CKAP5: variants seen among roughly 807,000 people sequenced by gnomAD.
CKAP5 encodes cytoskeleton-associated protein 5.
CKAP5 carries 27 observed loss-of-function variants against 232.8 expected under a neutral mutation model. That is an observed-to-expected ratio of 0.12 (90% confidence interval 0.09 to 0.16). CKAP5 has a LOEUF of 0.16. Ranked by LOEUF, CKAP5 falls within the 10% of genes least tolerant of loss-of-function variation. CKAP5 has a pLI of 1.00. For synonymous variants in CKAP5, 785 were observed against 841.1 expected, an observed-to-expected ratio of 0.93 and a Z score of 1.16; for missense variants, 1,838 against 2,424.7, an observed-to-expected ratio of 0.76 and a Z score of 5.08.
intron 1 of CKAP5, among the ~76,000 whole-genome samples, chr11:46,828,641 T>C (rs1037873): frequency 1.3e-5 from 2 of 152,176 alleles, no homozygotes; most frequent in Non-Finnish European, 2.9e-5. Context: ...GCAATAAACA[T>C]AGTACAATGA....
intron 12 of CKAP5, among the ~76,000 whole-genome samples, chr11:46,796,038 G>A (rs982785326): frequency 4.0e-5 from 6 of 151,864 alleles, no homozygotes; most frequent in African/African-American, 7.3e-5. Context: ...GGTGGCAGGC[G>A]CCTGTAATCC....
intron 15 of CKAP5, among the ~76,000 whole-genome samples, chr11:46,789,259 T>C (rs1053798518): frequency 2.0e-5 from 3 of 152,186 alleles, no homozygotes; most frequent in African/African-American, 7.2e-5. Flanking sequence ...TAAGTGACAG[T>C]GCTCTTGCAG....
At chr11:46,779,462 A>G (rs1313715501) in intron 20 of CKAP5, among the ~76,000 whole-genome samples, 1 of 151,934 alleles carries the variant, frequency 6.6e-6, no homozygotes, top group African/African-American at 2.4e-5. Context: ...GAACTCTTCC[A>G]TGGATACTTT....
At chr11:46,767,759 G>C (rs1416467152) in intron 26 of CKAP5, 96 bp from the exon 27 acceptor site, 3 of 689,090 alleles carry the variant, frequency 4.4e-6, no homozygotes, top group Non-Finnish European at 7.0e-6. Flanking sequence ...GAAGCTTGCA[G>C]TCTTAAATGT....
At chr11:46,766,111 T>C (rs2065200694) in intron 27 of CKAP5, among the ~76,000 whole-genome samples, 1 of 152,214 alleles carries the variant, frequency 6.6e-6, no homozygotes, top group African/African-American at 2.4e-5. Context: ...ATAGTACACA[T>C]ATTTAAGGTA....
chr11:46,842,370 G>A (rs992689374), intron 1 of CKAP5, among the ~76,000 whole-genome samples: 1 of 152,202 alleles, frequency 6.6e-6, no homozygotes, highest in East Asian at 1.9e-4. Flanking sequence ...GATCCAGATA[G>A]AGCCACTGAT....
Position 46,800,767 on chromosome 11 carries a change from A to C in CKAP5, c.1083+433T>G, listed in dbSNP as rs113713184. Among the ~76,000 whole-genome samples the C allele has an allele frequency of 2.8e-3, 420 of 152,308 alleles. 2 individuals are homozygous for C. The highest frequency in any genetic ancestry group is 9.6e-3 in the African/African-American group (398 of 41,568). On this transcript the variant is annotated intron_variant, in intron 9 of 43. Coordinates refer to ENST00000529230, the MANE Select transcript of CKAP5 (RefSeq NM_001008938.4). ...AATTATATATTAAAATAGGAAAACA[A>C]TGTAAAACACATTTTATATATTAAC...
At chr11:46,826,162 G>A (rs146799833) in intron 1 of CKAP5, among the ~76,000 whole-genome samples, 275 of 152,276 alleles carry the variant, frequency 1.8e-3, no homozygotes, top group Non-Finnish European at 3.3e-3. Context: ...GAGATGGAGA[G>A]GGGTAAAGAG....
chr11:46,828,857 G>T (rs918889267), intron 1 of CKAP5, among the ~76,000 whole-genome samples: 6 of 152,130 alleles, frequency 3.9e-5, no homozygotes, highest in African/African-American at 1.4e-4. Context: ...AAGATGGGGT[G>T]GGGGTGTGGC....
intron 1 of CKAP5, among the ~76,000 whole-genome samples, chr11:46,824,313 T>G (rs1939606007): frequency 6.6e-6 from 1 of 152,188 alleles, no homozygotes; most frequent in South Asian, 2.1e-4. Context: ...GTCAGGAGAA[T>G]CTGCAGGAAC....
chr11:46,747,619 G>A (rs1253635490), intron 42 of CKAP5, among the ~76,000 whole-genome samples: 1 of 147,158 alleles, frequency 6.8e-6, no homozygotes, highest in African/African-American at 2.5e-5. Context: ...AAAAAAAAAA[G>A]GTTTCACTAA....
intron 16 of CKAP5, among the ~76,000 whole-genome samples, chr11:46,786,524 G>A (rs926159337): frequency 6.6e-6 from 1 of 152,192 alleles, no homozygotes; most frequent in Non-Finnish European, 1.5e-5. Context: ...TGAAAACAAC[G>A]AAAACAATGA....
At chr11:46,788,399 A>C (rs553839175) in intron 16 of CKAP5, among the ~76,000 whole-genome samples, 61 of 152,238 alleles carry the variant, frequency 4.0e-4, no homozygotes, top group Non-Finnish European at 8.1e-4. Context: ...ACATAGAGAA[A>C]CCGCGTCTCT....
chr11:46,837,754 T>C (rs1040078493), intron 1 of CKAP5, among the ~76,000 whole-genome samples: 1 of 152,118 alleles, frequency 6.6e-6, no homozygotes, highest in Non-Finnish European at 1.5e-5. Flanking sequence ...AACAAAATAA[T>C]GTAATATTGG....
At chr11:46,759,167 C>T in intron 34 of CKAP5, 102 bp downstream of exon 34, 1 of 1,508,242 alleles carries the variant, frequency 6.6e-7, no homozygotes, top group East Asian at 2.3e-5. Flanking sequence ...AAAAAATAAT[C>T]AGTTCTAAAA....
chr11:46,804,751 T>C (rs562681118), intron 8 of CKAP5, among the ~76,000 whole-genome samples: 4 of 151,812 alleles, frequency 2.6e-5, no homozygotes, highest in South Asian at 2.1e-4. Context: ...GGGGGAAAAG[T>C]AGAAAGAACA....
In CKAP5 at chr11:46,784,554, C is replaced by T. The variant is rs779335978; in HGVS notation, c.2088G>A (p.Gly696=). ...LVDKIGDVKC[G]NNAKEAMTAI... is the part of the protein sequence containing the mutation. Reference sequence around the variant, plus strand: ...CTGTCATAGCTTCTTTTGCATTGTTCCCACATTTCACATCTCCAATCTTGT... The same window carrying T: ...CTGTCATAGCTTCTTTTGCATTGTTTCCACATTTCACATCTCCAATCTTGT... The change falls in exon 17 of 44, where the codon GGG becomes GGA. Residue 696 remains glycine (G), a synonymous_variant. Coordinates refer to ENST00000529230, the MANE Select transcript of CKAP5 (RefSeq NM_001008938.4). 3.1e-6 allele frequency: 5 copies of T among 1,613,908 alleles called. No homozygotes were observed. Among genetic ancestry groups the T allele is most frequent in the Non-Finnish European group, 4.2e-6 (5 of 1,179,966 alleles).
intron 1 of CKAP5, among the ~76,000 whole-genome samples, chr11:46,825,290 G>GC (rs2134697570): frequency 6.6e-6 from 1 of 152,190 alleles, no homozygotes; most frequent in African/African-American, 2.4e-5. Context: ...CAAAATCTGT[G>GC]CATTTTCTCA....
At chr11:46,774,533 C>T (rs1357976595) in intron 24 of CKAP5, among the ~76,000 whole-genome samples, 1 of 152,196 alleles carries the variant, frequency 6.6e-6, no homozygotes, top group African/African-American at 2.4e-5. Flanking sequence ...ATAGCCAAGA[C>T]AATCCTAAGT....
Sources: gnomAD v4.1 joint callset for allele counts (sites outside exome capture counted in the v4.1 genomes callset) on GRCh38, gnomAD v4.1.1 for gene constraint, MANE v1.5 for transcripts, NCBI Gene and HGNC (gene_info 2026-07-23, HGNC 2026-07-21) for gene names.